NDST4: variants seen among roughly 807,000 people sequenced by gnomAD.
NDST4 encodes N-deacetylase and N-sulfotransferase 4.
Under a neutral mutation model 100.8 loss-of-function variants are expected in NDST4, and 63 were observed. The observed-to-expected ratio is 0.62, with a 90% CI of 0.51 to 0.77. The LOEUF (loss-of-function observed/expected upper bound fraction) is 0.77. Among genes scored for constraint, NDST4 ranks in the 30% least tolerant of loss-of-function variants. NDST4 has a pLI of 0.00. For synonymous variants in NDST4, 377 were observed against 361.8 expected (o/e 1.04, Z -0.48); for missense variants, 943 against 1,018.4 (o/e 0.93, Z 1.01).
chr4:115,001,841 G>A (rs1162575364), intron 2 of NDST4, among the ~76,000 whole-genome samples: 2 of 152,060 alleles, frequency 1.3e-5, no homozygotes, highest in Admixed American at 1.3e-4. Flanking sequence ...CATATTCACT[G>A]TGTGCATTTT....
At chr4:115,004,485 G>T (rs1727368848) in intron 2 of NDST4, among the ~76,000 whole-genome samples, 1 of 152,034 alleles carries the variant, frequency 6.6e-6, no homozygotes. Flanking sequence ...TTAAGCTTTG[G>T]GTGCACTATG....
intron 1 of NDST4, among the ~76,000 whole-genome samples, chr4:115,079,978 A>G (rs536232611): frequency 7.2e-5 from 11 of 152,302 alleles, no homozygotes; most frequent in African/African-American, 2.6e-4. Context: ...ATATTTTAAC[A>G]CTTCAGATTC....
intron 7 of NDST4, among the ~76,000 whole-genome samples, chr4:114,860,903 C>A (rs1428359559): frequency 1.3e-5 from 2 of 152,156 alleles, no homozygotes; most frequent in Admixed American, 6.5e-5. Context: ...AGGAAAGCAA[C>A]TGGTATGCTT....
chr4:115,018,977 C>A (rs776702149), intron 2 of NDST4, among the ~76,000 whole-genome samples: 1 of 151,908 alleles, frequency 6.6e-6, no homozygotes, highest in African/African-American at 2.4e-5. Context: ...ATCTTGGAGA[C>A]AACATTCCTT....
chr4:114,857,957 T>A (rs1723834415), intron 7 of NDST4, among the ~76,000 whole-genome samples: 1 of 152,034 alleles, frequency 6.6e-6, no homozygotes, highest in African/African-American at 2.4e-5. Context: ...GAAGAGGCCC[T>A]GACAACCAAG....
intron 6 of NDST4, among the ~76,000 whole-genome samples, chr4:114,902,366 G>A (rs532573823): frequency 2.5e-4 from 38 of 152,036 alleles, no homozygotes; most frequent in African/African-American, 7.9e-4. Flanking sequence ...AGAATTATAG[G>A]TTGGTGCTTT....
chr4:114,951,468 G>A (rs1408893877), intron 4 of NDST4, among the ~76,000 whole-genome samples: 1 of 151,988 alleles, frequency 6.6e-6, no homozygotes, highest in Non-Finnish European at 1.5e-5. Context: ...AGTAATGATA[G>A]CATGCTTCTT....
intron 10 of NDST4, among the ~76,000 whole-genome samples, chr4:114,843,414 A>G (rs1336773325): frequency 6.6e-6 from 1 of 152,138 alleles, no homozygotes; most frequent in Non-Finnish European, 1.5e-5. Context: ...TTATCAAATC[A>G]ACACTACTAC....
intron 2 of NDST4, among the ~76,000 whole-genome samples, chr4:115,065,873 A>G (rs940008330): frequency 6.6e-6 from 1 of 152,156 alleles, no homozygotes; most frequent in South Asian, 2.1e-4. Flanking sequence ...CAGGCAACTT[A>G]CCATTCTCAA....
chr4:114,937,433 A>G lies in NDST4; in HGVS notation c.1292T>C (p.Ile431Thr). ...CTTCTTCCAAGCTGCATACAGCTGA[A>G]TGTGAACCGGGTAGACCCCTGAGTG... is the stretch of plus-strand genomic sequence containing the variant. Reference protein sequence around the residue: ...PHHSGVYPVHIQLYAAWKKVW... With the variant: ...PHHSGVYPVHTQLYAAWKKVW... The change falls in exon 5 of 14, where the codon ATT becomes ACT. Residue 431 changes from isoleucine to threonine, a missense_variant. Coordinates refer to ENST00000264363, the MANE Select transcript of NDST4 (RefSeq NM_022569.3). 1.2e-6 allele frequency: 2 copies of G among 1,613,470 alleles called. No individual in the cohort carries two copies. The highest frequency in any genetic ancestry group is 3.3e-4 in the Middle Eastern group (2 of 6,058).
At chr4:114,868,591 T>C (rs1724082559) in intron 7 of NDST4, among the ~76,000 whole-genome samples, 1 of 152,040 alleles carries the variant, frequency 6.6e-6, no homozygotes, top group Non-Finnish European at 1.5e-5. Flanking sequence ...CTATTTTCTA[T>C]TCCTTGTTTT....
At chr4:114,859,185 C>G (rs1037385665) in intron 7 of NDST4, among the ~76,000 whole-genome samples, 2 of 152,158 alleles carry the variant, frequency 1.3e-5, no homozygotes, top group Non-Finnish European at 1.5e-5. Flanking sequence ...AAGAAATTTA[C>G]AAGAGGAGAG....
At chr4:115,011,187 T>C (rs1304346376) in intron 2 of NDST4, among the ~76,000 whole-genome samples, 2 of 152,026 alleles carry the variant, frequency 1.3e-5, no homozygotes, top group South Asian at 2.1e-4. Context: ...AATATGCTTA[T>C]CTTATCCTGC....
intron 2 of NDST4, among the ~76,000 whole-genome samples, chr4:115,023,210 G>A (rs944548624): frequency 6.6e-6 from 1 of 152,148 alleles, no homozygotes. Flanking sequence ...TGTTGGCCGA[G>A]CGCAGTTGCT....
intron 2 of NDST4, 102 bp from the exon 3 acceptor site, chr4:114,977,376 G>A (rs986565356): frequency 1.5e-6 from 1 of 648,502 alleles, no homozygotes; most frequent in Admixed American, 2.8e-5. Flanking sequence ...AAAATGATAT[G>A]AGCTTTCTTG....
intron 2 of NDST4, among the ~76,000 whole-genome samples, chr4:115,013,391 T>C (rs960746987): frequency 1.7e-5 from 1 of 60,232 alleles, no homozygotes; most frequent in Non-Finnish European, 4.5e-5. Flanking sequence ...ACATACCTAA[T>C]ATGTACCCAC....
intron 2 of NDST4, among the ~76,000 whole-genome samples, chr4:115,063,750 A>C (rs1728872445): frequency 6.6e-6 from 1 of 152,008 alleles, no homozygotes. Flanking sequence ...CTTTTAAAGC[A>C]TTAACCACAA....
At chr4:114,906,247 A>G (rs1432215626) in intron 6 of NDST4, among the ~76,000 whole-genome samples, 1 of 152,082 alleles carries the variant, frequency 6.6e-6, no homozygotes, top group Middle Eastern at 3.2e-3. Context: ...TTAGAAAGAA[A>G]AATTGTGCAG....
intron 1 of NDST4, among the ~76,000 whole-genome samples, chr4:115,089,697 C>T (rs1194995078): frequency 6.6e-6 from 1 of 151,848 alleles, no homozygotes; most frequent in Admixed American, 6.6e-5. Context: ...ATTAGACACA[C>T]AGTAGATTAG....
Sources: allele counts gnomAD v4.1 joint callset (sites outside exome capture counted in the v4.1 genomes callset), GRCh38; gene constraint gnomAD v4.1.1; transcripts MANE v1.5; gene names NCBI Gene and HGNC (gene_info 2026-07-23, HGNC 2026-07-21).